The following BTBD8 variants were observed in gnomAD, a reference collection of about 807,000 sequenced individuals.
BTBD8 encodes BTB/POZ domain-containing protein 8.
In BTBD8, 110 loss-of-function variants were observed where a neutral mutation model predicts 162.9. The ratio of observed to expected loss-of-function variants is 0.68; its 90% CI spans 0.58 to 0.79. The LOEUF (loss-of-function observed/expected upper bound fraction) is 0.79, where lower values mean the gene tolerates loss of function less well. BTBD8 is among the 30% of genes least tolerant of loss of function. The pLI, the probability that BTBD8 is intolerant of heterozygous loss-of-function variation, is 0.00. For missense variants in BTBD8, 1,905 were observed against 2,085.4 expected (o/e 0.91, Z 1.68); for synonymous variants, 667 against 716.1 (o/e 0.93, Z 1.10).
rs1316246144 is a variant in BTBD8 at position 92,182,434 on chromosome 1, G to A, written c.4751G>A (p.Cys1584Tyr). 2 of 1,551,402 alleles carry A rather than the reference G, an allele frequency of 1.3e-6. No homozygotes were observed. Among genetic ancestry groups the A allele is most frequent in the Non-Finnish European group, 1.7e-6 (2 of 1,146,850 alleles). ...GATGTAAAATCTCAAGAAAGACCAT[G>A]TCACTTGGATCTTCATCAAAGAGAA... is the stretch of plus-strand genomic sequence containing the variant. Reference protein sequence around the residue: ...DSDVKSQERPCHLDLHQREPN... With the variant: ...DSDVKSQERPYHLDLHQREPN... The change falls in exon 17 of 18, where the codon TGT (cysteine) becomes TAT (tyrosine). Residue 1584 changes from cysteine to tyrosine, a missense_variant. Cys to Tyr is a radical substitution (Grantham distance 194). Coordinates refer to ENST00000636805, the MANE Select transcript of BTBD8 (RefSeq NM_001376131.1).
chr1:92,122,279 A>C (rs1467428644), intron 4 of BTBD8, among the ~76,000 whole-genome samples: 1 of 144,292 alleles, frequency 6.9e-6, no homozygotes, highest in Non-Finnish European at 1.5e-5. Context: ...TTTTTTTTTG[A>C]GACGGAGTCT....
At chr1:92,135,331 G>T (rs554953088) in intron 5 of BTBD8, among the ~76,000 whole-genome samples, 3 of 152,244 alleles carry the variant, frequency 2.0e-5, no homozygotes, top group African/African-American at 7.2e-5. Flanking sequence ...GATTACAGGC[G>T]TGTGCCACCT....
intron 4 of BTBD8, among the ~76,000 whole-genome samples, chr1:92,112,831 A>G (rs1355239780): frequency 1.3e-5 from 2 of 152,234 alleles, no homozygotes; most frequent in African/African-American, 4.8e-5. Context: ...TCTGGATTTA[A>G]TCCTTACTCA....
In BTBD8 at chr1:92,080,446, C is replaced by G. The variant is rs1276915732; in HGVS notation, c.-126C>G. On this transcript the variant is annotated 5_prime_UTR_variant, in exon 1 of 18. Transcript: ENST00000636805. ...CTACAAACCGACGAGAGGCGTCAAC[C>G]TTTTACCCTAGGGGGCGGATTTGGG... 4.9e-6 allele frequency: 7 copies of G among 1,414,456 alleles called. No homozygotes were observed. The highest frequency in any genetic ancestry group is 6.6e-6 in the Non-Finnish European group (7 of 1,059,822). The allele number at this position is 1,414,456 out of a possible 1,614,324, so 87.6% of individuals were successfully genotyped here.
chr1:92,166,312 T>C (rs908005637), intron 9 of BTBD8, among the ~76,000 whole-genome samples: 2 of 152,090 alleles, frequency 1.3e-5, no homozygotes, highest in African/African-American at 2.4e-5. Context: ...ATAAATGATA[T>C]CTATAAGCAC....
At chr1:92,134,875 T>A (rs896638999) in intron 5 of BTBD8, among the ~76,000 whole-genome samples, 3 of 143,566 alleles carry the variant, frequency 2.1e-5, no homozygotes, top group East Asian at 4.2e-4. Context: ...TTTTATTTTA[T>A]TTAATTAATT....
chr1:92,131,814 T>G (rs551583444), intron 5 of BTBD8, among the ~76,000 whole-genome samples: 65 of 152,156 alleles, frequency 4.3e-4, no homozygotes, highest in Admixed American at 4.3e-3. Context: ...CCTCAAGTGA[T>G]CCTCCTGCCT....
chr1:92,140,241 C>A (rs1277795011), intron 6 of BTBD8, among the ~76,000 whole-genome samples: 1 of 140,324 alleles, frequency 7.1e-6, no homozygotes, highest in Non-Finnish European at 1.5e-5. Context: ...GGGACTGTAG[C>A]GAGACCCGGT....
At chr1:92,091,019 G>A (rs1648281105) in intron 2 of BTBD8, among the ~76,000 whole-genome samples, 1 of 152,154 alleles carries the variant, frequency 6.6e-6, no homozygotes, top group African/African-American at 2.4e-5. Flanking sequence ...AGAAACCATT[G>A]GCCTAATCTA....
rs1331343004 is a variant in BTBD8, at chr1:92,181,117, T to C, written c.3434T>C (p.Val1145Ala). Residue 1145 changes from valine to alanine, a missense_variant, in exon 17 of 18, where the codon GTT becomes GCT. Coordinates refer to ENST00000636805, the MANE Select transcript of BTBD8 (RefSeq NM_001376131.1). Reference protein sequence around the residue: ...KQSSIKCVEDVSLCNPERTNG... With the variant: ...KQSSIKCVEDASLCNPERTNG... ...TCAAGTATTAAATGTGTGGAAGATG[T>C]TTCACTGTGTAATCCTGAAAGGACA... 1.9e-6 allele frequency: 3 copies of C among 1,551,466 alleles called. No individual in the cohort carries two copies. In the African/African-American group the frequency reaches 4.1e-5, roughly 21 times the overall value.
Position 92,181,388 on chromosome 1 carries a change from G to T in BTBD8, c.3705G>T (p.Trp1235Cys), listed in dbSNP as rs1237720636. Residue 1235 changes from tryptophan to cysteine, a missense_variant, in exon 17 of 18, where the codon TGG (tryptophan) becomes TGT (cysteine). Around this residue, in one of 3 missense-constraint regions of BTBD8, gnomAD observed 1,374 missense variants for 1,442.7 expected, o/e 0.95. Coordinates refer to ENST00000636805, the MANE Select transcript of BTBD8 (RefSeq NM_001376131.1). ...ETPETPFVGH[W>C]NLSTGVLHQR... is the part of the protein sequence containing the mutation. ...CAGAAACTCCATTTGTGGGTCACTG[G>T]AATTTGAGTACTGGTGTTCTGCATC... 1.9e-6 allele frequency: 3 copies of T among 1,551,664 alleles called. No homozygotes were observed. In the South Asian group the frequency reaches 3.6e-5, roughly 18 times the overall value.
At chr1:92,164,854 G>A (rs772999449) in intron 9 of BTBD8, among the ~76,000 whole-genome samples, 11 of 151,674 alleles carry the variant, frequency 7.3e-5, no homozygotes, top group Non-Finnish European at 1.3e-4. Flanking sequence ...TAGTTTCACC[G>A]TGTTGACCAG....
intron 1 of BTBD8, among the ~76,000 whole-genome samples, chr1:92,082,160 A>G (rs1009643322): frequency 6.6e-6 from 1 of 152,214 alleles, no homozygotes; most frequent in Admixed American, 6.5e-5. Context: ...AACTGAGGGT[A>G]GGACTCAGAA....
intron 3 of BTBD8, among the ~76,000 whole-genome samples, chr1:92,104,494 G>A (rs1474458287): frequency 1.3e-5 from 2 of 152,194 alleles, no homozygotes; most frequent in East Asian, 3.8e-4. Context: ...GTCACACAGA[G>A]CAATTGACAG....
chr1:92,137,705 A>C (rs1162524482), intron 5 of BTBD8, among the ~76,000 whole-genome samples: 1 of 152,224 alleles, frequency 6.6e-6, no homozygotes, highest in East Asian at 1.9e-4. Context: ...GCTTGGGATC[A>C]GAGTGTTTCA....
At chr1:92,114,913 GC>G in intron 4 of BTBD8, 1 of 308,316 alleles carries the variant, frequency 3.2e-6, no homozygotes, top group South Asian at 3.5e-5. Context: ...GGCAATGCCA[GC>G]CCCAGCACTG....
Position 92,177,421 on chromosome 1 carries a change from T to C in BTBD8, c.2228T>C (p.Leu743Pro). The C allele has an allele frequency of 1.3e-6, 2 of 1,551,778 alleles. No homozygotes were observed. Among genetic ancestry groups the C allele is most frequent in the South Asian group, 1.2e-5 (1 of 84,056 alleles). The change falls in exon 14 of 18, where the codon CTG (leucine) becomes CCG (proline). Residue 743 changes from leucine to proline, a missense_variant. Coordinates refer to ENST00000636805, the MANE Select transcript of BTBD8 (RefSeq NM_001376131.1). ...GAATTCTCAATTTCCACTGAATGTC[T>C]GGATGAACCGAAAGAAAATGGATCA... is the stretch of plus-strand genomic sequence containing the variant. ...SMEFSISTEC[L>P]DEPKENGSTE...
chr1:92,126,349 A>G (rs1649359567), intron 4 of BTBD8: 2 of 613,148 alleles, frequency 3.3e-6, no homozygotes, highest in African/African-American at 1.8e-5. Context: ...GTGGTTGTAC[A>G]TGGCCCCTTG....
intron 7 of BTBD8, among the ~76,000 whole-genome samples, chr1:92,142,795 A>C (rs749163586): frequency 3.3e-5 from 5 of 152,222 alleles, no homozygotes; most frequent in Non-Finnish European, 7.3e-5. Context: ...CTGCCACTAA[A>C]GGAGCCATTA....
Sources: gnomAD v4.1 joint callset for allele counts (sites outside exome capture counted in the v4.1 genomes callset) on GRCh38, gnomAD v4.1.1 for gene constraint, gnomAD v4.1.1 regional missense constraint, MANE v1.5 for transcripts, NCBI Gene and HGNC (gene_info 2026-07-23, HGNC 2026-07-21) for gene names.